The following MYO5B variants were observed in gnomAD, a reference collection of about 807,000 sequenced individuals.
MYO5B encodes myosin VB.
MYO5B carries 143 observed loss-of-function variants against 229.3 expected under a neutral mutation model. The ratio of observed to expected loss-of-function variants is 0.62; its 90% confidence interval spans 0.54 to 0.72. MYO5B has a LOEUF of 0.72. Among genes scored for constraint, MYO5B ranks in the 30% least tolerant of loss-of-function variants. The probability of loss-of-function intolerance (pLI) is 0.00; values close to 1 mark genes in which losing one functional copy is unlikely to be tolerated. For synonymous variants in MYO5B, 918 were observed against 885.2 expected, an observed-to-expected ratio of 1.04 and a Z score of -0.66; for missense variants, 2,321 against 2,331.0, an observed-to-expected ratio of 1.00 and a Z score of 0.09.
rs1052531209 is a variant in MYO5B at position 49,823,599 on chromosome 18, G to T, written c.*2872C>A. Reference sequence around the variant, plus strand: ...CTAGTTTTGTTTTGTTTTTACAAAAGCCTTAAAATTTAGTACTAGGGAAAT... The same window carrying T: ...CTAGTTTTGTTTTGTTTTTACAAAATCCTTAAAATTTAGTACTAGGGAAAT... On this transcript the variant is annotated 3_prime_UTR_variant, in exon 40 of 40. Coordinates refer to ENST00000285039, the MANE Select transcript of MYO5B (RefSeq NM_001080467.3). The T allele has an allele frequency of 5.3e-5, 8 of 151,188 alleles. No homozygotes were observed. Among genetic ancestry groups the T allele is most frequent in the African/African-American group, 1.9e-4 (8 of 41,146 alleles). The allele number at this position is 151,188 out of a possible 1,614,324, so 9.4% of individuals were successfully genotyped here.
chr18:50,023,353 G>T (rs969840890), intron 4 of MYO5B, among the ~76,000 whole-genome samples: 1 of 152,150 alleles, frequency 6.6e-6, no homozygotes, highest in Admixed American at 6.5e-5. Flanking sequence ...CCTCACAAGG[G>T]TATTATGCCA....
At chr18:50,096,905 C>T (rs1400983525) in intron 1 of MYO5B, among the ~76,000 whole-genome samples, 2 of 152,164 alleles carry the variant, frequency 1.3e-5, no homozygotes, top group Non-Finnish European at 2.9e-5. Context: ...AACGTCTGCT[C>T]CCAGCTCCTG....
chr18:50,048,562 A>C (rs981198984), intron 2 of MYO5B, among the ~76,000 whole-genome samples: 2 of 152,132 alleles, frequency 1.3e-5, no homozygotes, highest in Admixed American at 6.6e-5. Flanking sequence ...GAAGTGATCA[A>C]CATCAGTTCT....
intron 1 of MYO5B, among the ~76,000 whole-genome samples, chr18:50,181,967 T>C (rs2033079412): frequency 6.6e-6 from 1 of 152,212 alleles, no homozygotes; most frequent in South Asian, 2.1e-4. Context: ...TATCTCCCTT[T>C]AACATACTAA....
At chr18:49,967,344 ACCT>A (rs1477448771) in intron 10 of MYO5B, among the ~76,000 whole-genome samples, 2 of 152,304 alleles carry the variant, frequency 1.3e-5, no homozygotes, top group African/African-American at 4.8e-5. Flanking sequence ...TTAATGATCA[ACCT>A]CCTTGAATCT....
chr18:50,188,785 TA>T (rs4042094), intron 1 of MYO5B, among the ~76,000 whole-genome samples: 45,923 of 106,498 alleles, frequency 0.43, 9,770 homozygotes, highest in East Asian at 0.63. Context: ...GACTCTGTCA[TA>T]AAAAAAAAAA....
intron 17 of MYO5B, among the ~76,000 whole-genome samples, chr18:49,924,647 A>T (rs904526844): frequency 2.0e-5 from 3 of 152,068 alleles, no homozygotes; most frequent in African/African-American, 7.2e-5. Flanking sequence ...CCTCTGATAA[A>T]CCTTTGCTGG....
chr18:49,872,985 A>C (rs1182683878), intron 26 of MYO5B, among the ~76,000 whole-genome samples: 1 of 152,180 alleles, frequency 6.6e-6, no homozygotes, highest in Non-Finnish European at 1.5e-5. Context: ...ATGAGGGAGG[A>C]AAGCTCCCCA....
intron 17 of MYO5B, among the ~76,000 whole-genome samples, chr18:49,918,673 C>A (rs2025043058): frequency 6.6e-6 from 1 of 152,226 alleles, no homozygotes; most frequent in Admixed American, 6.5e-5. Context: ...TGGAAACCAG[C>A]AGCAATTTGT....
At chr18:50,113,585 G>A (rs747530803) in intron 1 of MYO5B, among the ~76,000 whole-genome samples, 4 of 152,234 alleles carry the variant, frequency 2.6e-5, no homozygotes, top group East Asian at 1.9e-4. Flanking sequence ...ATTATCAGGC[G>A]CACGTACAAA....
chr18:49,923,153 C>T (rs1217611), intron 17 of MYO5B, among the ~76,000 whole-genome samples: 87,456 of 152,038 alleles, frequency 0.58, 25,549 homozygotes, highest in Middle Eastern at 0.67. Flanking sequence ...CATCATGTTG[C>T]TTCCTGGCAG....
At chr18:50,046,781 G>A (rs1371484040) in intron 2 of MYO5B, among the ~76,000 whole-genome samples, 4 of 152,048 alleles carry the variant, frequency 2.6e-5, no homozygotes, top group East Asian at 1.9e-4. Flanking sequence ...CAGAAATAAC[G>A]CCGCATATCT....
At chr18:49,848,827 G>A (rs1467464797) in intron 32 of MYO5B, among the ~76,000 whole-genome samples, 1 of 152,134 alleles carries the variant, frequency 6.6e-6, no homozygotes, top group Non-Finnish European at 1.5e-5. Context: ...CCTGGATAGA[G>A]ATCACAGACA....
chr18:50,014,701 G>A (rs2026198751), intron 4 of MYO5B, among the ~76,000 whole-genome samples: 1 of 152,160 alleles, frequency 6.6e-6, no homozygotes, highest in South Asian at 2.1e-4. Context: ...TTTACATGGA[G>A]TGTTTTCTCT....
At chr18:50,059,906 C>G (rs2030645106) in intron 1 of MYO5B, among the ~76,000 whole-genome samples, 1 of 152,050 alleles carries the variant, frequency 6.6e-6, no homozygotes, top group South Asian at 2.1e-4. Flanking sequence ...TAATCAAGTA[C>G]AAAGCAGTAT....
chr18:49,877,835 T>C lies in MYO5B; in HGVS notation c.3324A>G (p.Glu1108=), dbSNP rs759233303. The C allele has an allele frequency of 4.3e-6, 7 of 1,613,960 alleles. No homozygotes were observed. The highest frequency in any genetic ancestry group is 5.1e-6 in the Non-Finnish European group (6 of 1,179,992). The change falls in exon 25 of 40, where the codon GAA becomes GAG. Residue 1108 remains glutamate (E), a synonymous_variant. Coordinates refer to ENST00000285039, the MANE Select transcript of MYO5B (RefSeq NM_001080467.3). Reference sequence around the variant, plus strand: ...AGATGGAGGGGTAATTGGAGTCAGATTCTAAGCTACTTTGGTTTGATGGGT... The same window carrying C: ...AGATGGAGGGGTAATTGGAGTCAGACTCTAAGCTACTTTGGTTTGATGGGT... The part of the protein sequence containing the change: ...RRNPSNQSSL[E]SDSNYPSIST...
chr18:49,893,620 T>C (rs11876567), intron 22 of MYO5B, among the ~76,000 whole-genome samples: 31,412 of 151,840 alleles, frequency 0.21, 3,644 homozygotes, highest in East Asian at 0.42. Context: ...ACATCAGGAG[T>C]GTGGCCTTTT....
chr18:50,002,106 T>A (rs1015806969), intron 4 of MYO5B, among the ~76,000 whole-genome samples: 3 of 152,066 alleles, frequency 2.0e-5, no homozygotes, highest in Admixed American at 2.0e-4. Flanking sequence ...TCCCTAACAT[T>A]CCCATCTTGT....
chr18:50,110,693 A>T (rs1423329927), intron 1 of MYO5B, among the ~76,000 whole-genome samples: 1 of 152,236 alleles, frequency 6.6e-6, no homozygotes, highest in Admixed American at 6.5e-5. Context: ...ACGGAAGTTA[A>T]GGAACCAAAT....
Sources: gnomAD v4.1 joint callset for allele counts (sites outside exome capture counted in the v4.1 genomes callset) on GRCh38, gnomAD v4.1.1 for gene constraint, MANE v1.5 for transcripts, NCBI Gene and HGNC (gene_info 2026-07-23, HGNC 2026-07-21) for gene names.